Variants in PALLD observed in about 807,000 individuals in gnomAD.
PALLD encodes the protein palladin.
In PALLD, 61 loss-of-function variants were observed where a neutral mutation model predicts 123.5. That is an observed-to-expected ratio of 0.49 (90% CI 0.40 to 0.61). PALLD has a LOEUF of 0.61. Among genes scored for constraint, PALLD ranks in the 20% least tolerant of loss-of-function variants. PALLD has a pLI of 0.00. For missense variants in PALLD, 1,273 were observed against 1,377.0 expected (o/e 0.92, Z 1.20); for synonymous variants, 465 against 496.4 (o/e 0.94, Z 0.84).
intron 2 of PALLD, among the ~76,000 whole-genome samples, chr4:168,529,583 C>A (rs1764413294): frequency 6.6e-6 from 1 of 152,174 alleles, no homozygotes; most frequent in African/African-American, 2.4e-5. Flanking sequence ...TAACTTACAT[C>A]TGTTTTATTA....
At chr4:168,806,864 G>A (rs1274159496) in intron 10 of PALLD, among the ~76,000 whole-genome samples, 1 of 152,090 alleles carries the variant, frequency 6.6e-6, no homozygotes, top group African/African-American at 2.4e-5. Context: ...GTATAGAGAT[G>A]TGTGTGTATA....
chr4:168,928,081 T>TAATA lies in PALLD; in HGVS notation c.*1902_*1905dup, dbSNP rs1460381710. The TAATA allele has an allele frequency of 1.0e-5, 2 of 196,174 alleles. No individual in the cohort carries two copies. Among genetic ancestry groups the TAATA allele is most frequent in the East Asian group, 8.0e-5 (1 of 12,560 alleles). 12.2% of individuals were successfully genotyped at this position (196,174 alleles called of 1,614,324 possible). On this transcript the variant is annotated 3_prime_UTR_variant, in exon 22 of 22. Transcript: ENST00000505667. ...ACCAACCAACCAAGGTTTAAGTGAT[T>TAATA]AATAGGCTTGAGCACCGGGTGGCAG...
At chr4:168,804,185 G>C (rs1398266377) in intron 10 of PALLD, among the ~76,000 whole-genome samples, 1 of 152,214 alleles carries the variant, frequency 6.6e-6, no homozygotes, top group Non-Finnish European at 1.5e-5. Flanking sequence ...AAAGAAAGAG[G>C]TATGTTCCTT....
In PALLD at chr4:168,511,640, G is replaced by A; in HGVS notation, c.136G>A (p.Ala46Thr). 1.9e-6 allele frequency: 3 copies of A among 1,614,148 alleles called. No homozygotes were observed. Among genetic ancestry groups the A allele is most frequent in the Non-Finnish European group, 1.7e-6 (2 of 1,180,010 alleles). The change falls in exon 2 of 22, where the codon GCC becomes ACC. Residue 46 changes from alanine to threonine, a missense_variant. Physicochemically the swap from Ala to Thr is moderately conservative, Grantham distance 58. Around this residue, in one of 2 missense-constraint regions of PALLD, gnomAD observed 944 missense variants for 954.5 expected, o/e 0.99. Coordinates refer to ENST00000505667, the MANE Select transcript of PALLD (RefSeq NM_001166108.2). ...AGAGATAAACAAGAGTCTTGACCTG[G>A]CCCGGAGAGCCATAGCCGACTCCGA... The part of the protein sequence containing the change: ...QEEINKSLDL[A>T]RRAIADSETE...
At chr4:168,726,608 C>T (rs572819550) in intron 10 of PALLD, among the ~76,000 whole-genome samples, 23 of 152,020 alleles carry the variant, frequency 1.5e-4, no homozygotes, top group African/African-American at 5.5e-4. Flanking sequence ...GTTTCAAACT[C>T]CTGGCTTCAA....
intron 10 of PALLD, among the ~76,000 whole-genome samples, chr4:168,751,235 C>T (rs545532023): frequency 1.7e-4 from 26 of 152,154 alleles, no homozygotes; most frequent in African/African-American, 5.1e-4. Context: ...TGGTCTCAAA[C>T]GCCCAACCTC....
intron 2 of PALLD, among the ~76,000 whole-genome samples, chr4:168,650,973 G>A (rs1777983434): frequency 6.6e-6 from 1 of 152,124 alleles, no homozygotes; most frequent in Non-Finnish European, 1.5e-5. Flanking sequence ...TAAAGACTAA[G>A]TGATATAATC....
Position 168,709,051 on chromosome 4 carries a change from G to T in PALLD, c.1525G>T (p.Ala509Ser), listed in dbSNP as rs145026144. ...AGAGGAGATTTGCACCCTAGTTATC[G>T]CTGAGACTTTCCCTGAAGATGCAGG... Reference protein sequence around the residue: ...EPEEICTLVIAETFPEDAGIF... With the variant: ...EPEEICTLVISETFPEDAGIF... Residue 509 changes from alanine to serine, a missense_variant, in exon 9 of 22, where the codon GCT (alanine) becomes TCT (serine). Ala to Ser is a moderately conservative substitution (Grantham distance 99). Coordinates refer to ENST00000505667, the MANE Select transcript of PALLD (RefSeq NM_001166108.2). 2.4e-5 allele frequency: 38 copies of T among 1,612,978 alleles called. No individual in the cohort carries two copies. Among genetic ancestry groups the T allele is most frequent in the African/African-American group, 5.3e-5 (4 of 74,870 alleles).
At chr4:168,753,558 C>A (rs1319386231) in intron 10 of PALLD, among the ~76,000 whole-genome samples, 1 of 152,132 alleles carries the variant, frequency 6.6e-6, no homozygotes, top group African/African-American at 2.4e-5. Context: ...CAGAGTTGGT[C>A]TGTGTAACTC....
intron 17 of PALLD, among the ~76,000 whole-genome samples, chr4:168,916,902 T>A (rs1458882912): frequency 6.6e-6 from 1 of 150,752 alleles, no homozygotes; most frequent in Non-Finnish European, 1.5e-5. Context: ...AACTCCTGAC[T>A]TCATGATCCG....
intron 10 of PALLD, among the ~76,000 whole-genome samples, chr4:168,880,275 C>T (rs376004679): frequency 6.6e-6 from 1 of 152,160 alleles, no homozygotes; most frequent in East Asian, 1.9e-4. Flanking sequence ...ATAATTGTTA[C>T]CACAAGAGTC....
rs150256686 is a variant in PALLD at position 168,924,978 on chromosome 4, G to A, written c.3258G>A (p.Leu1086=). 2.4e-5 allele frequency: 39 copies of A among 1,613,974 alleles called. No individual in the cohort carries two copies. The highest frequency in any genetic ancestry group is 3.2e-5 in the Non-Finnish European group (38 of 1,179,990). The part of the protein sequence containing the change: ...MHQDNHGYIC[L]LIQGATKEDA... ...AGGACAACCACGGCTACATCTGCCTGCTCATTCAGGGAGCCACAAAAGAAG... is the reference window on the plus strand; with the variant it reads ...AGGACAACCACGGCTACATCTGCCTACTCATTCAGGGAGCCACAAAAGAAG... The change falls in exon 20 of 22, where the codon CTG becomes CTA. Residue 1086 remains leucine (L), a synonymous_variant. Transcript: ENST00000505667.
Position 168,511,683 on chromosome 4 carries a change from C to T in PALLD, c.179C>T (p.Ser60Leu), listed in dbSNP as rs1762543299. The T allele has an allele frequency of 2.5e-6, 4 of 1,614,146 alleles. No homozygotes were observed. The highest frequency in any genetic ancestry group is 2.5e-6 in the Non-Finnish European group (3 of 1,180,032). Residue 60 changes from serine to leucine, a missense_variant, in exon 2 of 22, where the codon TCG (serine) becomes TTG (leucine). Around this residue, in one of 2 missense-constraint regions of PALLD, gnomAD observed 944 missense variants for 954.5 expected, o/e 0.99. Coordinates refer to ENST00000505667, the MANE Select transcript of PALLD (RefSeq NM_001166108.2). ...IADSETEDFD[S>L]EKEISQIFST... ...GACTCCGAAACAGAAGATTTTGACT[C>T]GGAAAAGGAGATCTCGCAGATTTTC...
At chr4:168,913,848 A>T (rs1178763294) in intron 15 of PALLD, 79 bp from the exon 16 acceptor site, 8 of 935,356 alleles carry the variant, frequency 8.6e-6, no homozygotes, top group Non-Finnish European at 1.8e-6. Flanking sequence ...TCTTATAGAG[A>T]ATAGGACAGT....
At chr4:168,700,877 AAAAAT>A (rs1783608632) in intron 8 of PALLD, 1 of 152,158 alleles carries the variant, frequency 6.6e-6, no homozygotes, top group South Asian at 2.1e-4. Context: ...AAAAGATTTT[AAAAAT>A]AAAATAAAAC....
chr4:168,742,229 T>G (rs773027586), intron 10 of PALLD, among the ~76,000 whole-genome samples: 13 of 152,230 alleles, frequency 8.5e-5, no homozygotes, highest in Non-Finnish European at 1.8e-4. Context: ...TCTCCGTCCT[T>G]CTTGAGTTCC....
intron 10 of PALLD, among the ~76,000 whole-genome samples, chr4:168,770,829 C>T (rs904058271): frequency 7.2e-5 from 11 of 152,096 alleles, no homozygotes; most frequent in East Asian, 1.9e-4. Flanking sequence ...GAGGCTGAGG[C>T]GGGTGGATCA....
chr4:168,675,936 G>A (rs1361714930), intron 3 of PALLD, among the ~76,000 whole-genome samples: 6 of 152,088 alleles, frequency 3.9e-5, no homozygotes, highest in African/African-American at 1.4e-4. Flanking sequence ...CACACCTGTA[G>A]TCCCAGCTAC....
At chr4:168,894,922 CCTT>C (rs878970618) in intron 12 of PALLD, among the ~76,000 whole-genome samples, 1 of 152,180 alleles carries the variant, frequency 6.6e-6, no homozygotes, top group Admixed American at 6.5e-5. Flanking sequence ...TGATTATTCT[CCTT>C]TCCAGTACAT....
Sources: allele counts gnomAD v4.1 joint callset (sites outside exome capture counted in the v4.1 genomes callset), GRCh38; gene constraint gnomAD v4.1.1; regional missense constraint gnomAD v4.1.1; transcripts MANE v1.5; gene names NCBI Gene and HGNC (gene_info 2026-07-23, HGNC 2026-07-21).